Variants in NECTIN1 observed in about 807,000 individuals in gnomAD.
NECTIN1 encodes nectin-1.
Under a neutral mutation model 48.0 loss-of-function variants are expected in NECTIN1, and 23 were observed. That is an observed-to-expected ratio of 0.48 (90% confidence interval 0.34 to 0.68). The LOEUF is 0.68. Among genes scored for constraint, NECTIN1 ranks in the 30% least tolerant of loss-of-function variants. NECTIN1 has a pLI of 0.01. For synonymous variants in NECTIN1, 270 were observed against 288.9 expected (o/e 0.93, Z 0.66); for missense variants, 591 against 709.9 (o/e 0.83, Z 1.90).
In NECTIN1 at chr11:119,727,508, T is replaced by A. The variant is rs1565407137; in HGVS notation, c.79+967A>T. Among the ~76,000 whole-genome samples, 4 of 152,188 alleles carry A rather than the reference T, an allele frequency of 2.6e-5. No individual in the cohort carries two copies. In the South Asian group the frequency reaches 8.3e-4, roughly 32 times the overall value. On this transcript the variant is annotated intron_variant, in intron 1 of 5. Transcript: ENST00000264025. This position sits in a 1 kb window ranked among gnomAD's most constrained non-coding sequence, Gnocchi z 4.1. ...CTTGGTGTCCAGTCAGCCGGCGAGC[T>A]CGGCAGCTTCCCCAGGGACACAAAG...
Position 119,664,582 on chromosome 11 carries a change from C to T in NECTIN1, c.*165G>A, listed in dbSNP as rs574144297. On this transcript the variant is annotated 3_prime_UTR_variant, in exon 6 of 6. Transcript: ENST00000264025. ...GAGGAAATAAAACACAAAGCCAAGT[C>T]GTGGCTGCCCTGGGCTCCCCTGGCC... 122 of 1,436,404 alleles carry T rather than the reference C, an allele frequency of 8.5e-5. No individual in the cohort carries two copies. The South Asian group carries it at 1.3e-3, about 16-fold the overall frequency. 89.0% of individuals were successfully genotyped at this position (1,436,404 alleles called of 1,614,324 possible).
rs530557077 is a variant in NECTIN1 at position 119,709,739 on chromosome 11, C to T, written c.79+18736G>A. Among the ~76,000 whole-genome samples, 8 of 152,218 alleles carry T rather than the reference C, an allele frequency of 5.3e-5. No individual in the cohort carries two copies. The highest frequency in any genetic ancestry group is 1.9e-4 in the East Asian group (1 of 5,172). On this transcript the variant is annotated intron_variant, in intron 1 of 5. Transcript: ENST00000264025. This position sits in a 1 kb window ranked among gnomAD's most constrained non-coding sequence, Gnocchi z 4.1. Reference sequence around the variant, plus strand: ...GCAGGGAACAGCTTTATTTTAACTCCGGGTTTGTGGAGAGAGGGCAGGACG... The same window carrying T: ...GCAGGGAACAGCTTTATTTTAACTCTGGGTTTGTGGAGAGAGGGCAGGACG...
At chr11:119,651,361 C>T (rs1864487147) in intron 5 of NECTIN1, among the ~76,000 whole-genome samples, 1 of 152,098 alleles carries the variant, frequency 6.6e-6, no homozygotes, top group Non-Finnish European at 1.5e-5. Flanking sequence ...ATCAAGCCCC[C>T]AGATCTTCCT....
intron 6 of NECTIN1, chr11:119,639,575 T>C: frequency 2.0e-6 from 1 of 503,154 alleles, no homozygotes; most frequent in South Asian, 2.1e-5. Flanking sequence ...CTCAGTTTCC[T>C]CACTATAAAT....
At position 119,678,727 on chromosome 11, in the gene NECTIN1, A is replaced by G; in HGVS notation, c.118T>C (p.Tyr40His). 1.2e-6 allele frequency: 2 copies of G among 1,613,440 alleles called. No individual in the cohort carries two copies. Among genetic ancestry groups the G allele is most frequent in the Non-Finnish European group, 8.5e-7 (1 of 1,179,804 alleles). The stretch of plus-strand genomic sequence containing the variant: ...ACCACGTCTGTGCCGATGAAGCCAT[A>G]CATGGAGTCGTTCACCTGGACCACC... ...SQVVQVNDSM[Y>H]GFIGTDVVLH... The change falls in exon 2 of 6, where the codon TAT (tyrosine) becomes CAT (histidine). Residue 40 changes from tyrosine (Y) to histidine (H), a missense_variant. By Grantham distance (83) the Tyr-to-His change is moderately conservative (BLOSUM62 2). Transcript: ENST00000264025. The surrounding 1 kb of genome is among the most constrained non-coding windows in gnomAD (Gnocchi z 4.4).
In NECTIN1 at chr11:119,649,916, C is replaced by T. The variant is rs145577766; in HGVS notation, c.1004-9904G>A. On this transcript the variant is annotated intron_variant, in intron 5 of 7. Coordinates refer to the NECTIN1 transcript ENST00000341398. ...TTTCATGTGTGTCCGTGTGAAGAGACCACCAAACAGGCTTTGTGTGAGCAA... is the reference window on the plus strand; with the variant it reads ...TTTCATGTGTGTCCGTGTGAAGAGATCACCAAACAGGCTTTGTGTGAGCAA... Among the ~76,000 whole-genome samples the T allele has an allele frequency of 2.8e-3, 422 of 152,268 alleles. 4 individuals carry two copies. The East Asian group carries it at 0.038, about 14-fold the overall frequency.
chr11:119,643,355 T>C (rs536845262), intron 5 of NECTIN1, among the ~76,000 whole-genome samples: 4 of 152,356 alleles, frequency 2.6e-5, no homozygotes, highest in Middle Eastern at 3.4e-3. Flanking sequence ...GATCCTCGTA[T>C]TGAGCCTGCA....
Position 119,728,844 on chromosome 11 carries a change from T to G in NECTIN1, c.-291A>C. On this transcript the variant is annotated 5_prime_UTR_variant, in exon 1 of 6. Transcript: ENST00000264025. Reference sequence around the variant, plus strand: ...CCCGGCGCCGGTCCCCGCCCTCTTCTTCCACGCAGAGCGGGGCTGGGGAGA... The same window carrying G: ...CCCGGCGCCGGTCCCCGCCCTCTTCGTCCACGCAGAGCGGGGCTGGGGAGA... 2.3e-4 allele frequency: 68 copies of G among 297,306 alleles called. No homozygotes were observed. The highest frequency in any genetic ancestry group is 5.5e-4 in the East Asian group (10 of 18,052). The allele number at this position is 297,306 out of a possible 1,614,324, so 18.4% of individuals were successfully genotyped here.
In NECTIN1 at chr11:119,678,747, A is replaced by G. The variant is rs1467396266; in HGVS notation, c.98T>C (p.Val33Ala). The G allele has an allele frequency of 1.2e-6, 2 of 1,610,748 alleles. No individual in the cohort carries two copies. The highest frequency in any genetic ancestry group is 1.7e-6 in the Non-Finnish European group (2 of 1,178,656). Residue 33 changes from valine to alanine, a missense_variant, in exon 2 of 6, where the codon GTC (valine) becomes GCC (alanine). Val to Ala is a moderately conservative substitution (Grantham distance 64, BLOSUM62 0). Transcript: ENST00000264025. The surrounding 1 kb of genome is among the most constrained non-coding windows in gnomAD (Gnocchi z 4.4). ...FFLPGVHSQV[V>A]QVNDSMYGFI... The stretch of plus-strand genomic sequence containing the variant: ...GCCATACATGGAGTCGTTCACCTGG[A>G]CCACCTGGGAGTGGACGCCTGGCCA...
chr11:119,680,182 T>G (rs1865033802), intron 1 of NECTIN1, among the ~76,000 whole-genome samples: 1 of 152,194 alleles, frequency 6.6e-6, no homozygotes, highest in Non-Finnish European at 1.5e-5. Context: ...GAATGTCCTT[T>G]TTTTGGGCTT....
rs1392180000 is a variant in NECTIN1 at position 119,678,792 on chromosome 11, T to C, written c.80-27A>G. ...TGGCCAGGAGGATGGCAGCAAGTGG[T>C]CAGTGTCAGGCACAGCCTCCCCCCA... On this transcript the variant is annotated intron_variant, in intron 1 of 5. Coordinates refer to ENST00000264025, the MANE Select transcript of NECTIN1 (RefSeq NM_002855.5). The surrounding 1 kb of genome is among the most constrained non-coding windows in gnomAD (Gnocchi z 4.4). The C allele has an allele frequency of 1.3e-6, 2 of 1,545,082 alleles. No homozygotes were observed. Among genetic ancestry groups the C allele is most frequent in the South Asian group, 2.3e-5 (2 of 86,220 alleles).
chr11:119,674,471 C>T (rs1359282495), intron 5 of NECTIN1: 2 of 1,605,870 alleles, frequency 1.2e-6, no homozygotes, highest in East Asian at 2.2e-5. Flanking sequence ...ATTCTGACAA[C>T]AGCCCTTCAA....
chr11:119,705,777 C>T (rs903408481), intron 1 of NECTIN1, among the ~76,000 whole-genome samples: 1 of 152,222 alleles, frequency 6.6e-6, no homozygotes, highest in Non-Finnish European at 1.5e-5. Context: ...CTGCAATCAT[C>T]TGGGGCATCT....
At chr11:119,725,681 A>G (rs1298266832) in intron 1 of NECTIN1, among the ~76,000 whole-genome samples, 1 of 152,246 alleles carries the variant, frequency 6.6e-6, no homozygotes, top group African/African-American at 2.4e-5. Flanking sequence ...CAAAGACCAC[A>G]TGGCAGCAAG....
chr11:119,716,963 CA>C (rs1865753016), intron 1 of NECTIN1, among the ~76,000 whole-genome samples: 1 of 152,268 alleles, frequency 6.6e-6, no homozygotes, highest in Admixed American at 6.5e-5. Context: ...TGTAAAGAAA[CA>C]CATAAACCAG....
chr11:119,691,181 C>T (rs554678543), intron 1 of NECTIN1, among the ~76,000 whole-genome samples: 25 of 152,346 alleles, frequency 1.6e-4, no homozygotes, highest in African/African-American at 6.0e-4. Context: ...TAGACCACAA[C>T]ACAAACCCGG....
chr11:119,699,945 C>T (rs1591475267), intron 1 of NECTIN1, among the ~76,000 whole-genome samples: 1 of 152,192 alleles, frequency 6.6e-6, no homozygotes. Context: ...GGTCTCTGTT[C>T]CCCCTCTTAA....
intron 1 of NECTIN1, among the ~76,000 whole-genome samples, chr11:119,712,414 G>T (rs1436795159): frequency 6.7e-6 from 1 of 149,262 alleles, no homozygotes; most frequent in Non-Finnish European, 1.5e-5. Flanking sequence ...ATCTCTGGGG[G>T]CTTTGTGCAA....
chr11:119,707,697 T>A (rs1056830959), intron 1 of NECTIN1, among the ~76,000 whole-genome samples: 1 of 152,184 alleles, frequency 6.6e-6, no homozygotes, highest in African/African-American at 2.4e-5. Context: ...TTGCTTTTAT[T>A]TTTTTGGATT....
Sources: allele counts gnomAD v4.1 joint callset (sites outside exome capture counted in the v4.1 genomes callset), GRCh38; gene constraint gnomAD v4.1.1; non-coding constraint Gnocchi (gnomAD v3.1); transcripts MANE v1.5; gene names NCBI Gene and HGNC (gene_info 2026-07-23, HGNC 2026-07-21).